The following SRI variants were observed in gnomAD, a reference collection of about 807,000 sequenced individuals.
SRI encodes the protein sorcin, also known as 22 kDa protein.
In SRI, 30 loss-of-function variants were observed where a neutral mutation model predicts 33.3. The ratio of observed to expected loss-of-function variants is 0.90; its 90% CI spans 0.67 to 1.22. The LOEUF is 1.22. Ranked by LOEUF, SRI falls within the 50% of genes most tolerant of loss-of-function variation. The pLI, the probability that SRI is intolerant of heterozygous loss-of-function variation, is 0.00. For missense variants in SRI, 243 were observed against 250.8 expected, an observed-to-expected ratio of 0.97 and a Z score of 0.21; for synonymous variants, 75 against 89.9, an observed-to-expected ratio of 0.83 and a Z score of 0.94.
At chr7:88,218,825 T>C in intron 2 of SRI, 34 bp downstream of exon 2, 1 of 1,600,332 alleles carries the variant, frequency 6.2e-7, no homozygotes, top group Non-Finnish European at 8.6e-7. Flanking sequence ...ATGCAGACAA[T>C]AACGGCTCTT....
At chr7:88,221,523 G>A (rs535113266), upstream of SRI, among the ~76,000 whole-genome samples, 3 of 152,278 alleles carry the variant, frequency 2.0e-5, no homozygotes, top group South Asian at 2.1e-4. Flanking sequence ...TGTCAGGGCC[G>A]AACTCGATGT....
At position 88,214,423 on chromosome 7, in the gene SRI, G is replaced by C. The variant is rs148403017; in HGVS notation, c.205+2699C>G. Reference sequence around the variant, plus strand: ...GGAGAGGGACAGATCAGGAAGATCAGGAATCTGGTCATCTTTTGTGAGAAG... The same window carrying C: ...GGAGAGGGACAGATCAGGAAGATCACGAATCTGGTCATCTTTTGTGAGAAG... On this transcript the variant is annotated intron_variant, in intron 3 of 7. Transcript: ENST00000265729. 5.1e-4 allele frequency among the ~76,000 whole-genome samples: 77 copies of C among 152,282 alleles called. No individual in the cohort carries two copies. In the East Asian group the frequency reaches 0.014, roughly 27 times the overall value.
intron 1 of SRI, chr7:88,226,882 A>AATATTATATAATATCTAATAATATG: frequency 6.2e-7 from 1 of 1,610,250 alleles, no homozygotes; most frequent in Non-Finnish European, 8.5e-7. Flanking sequence ...GGAATAGTCT[A>AATATTATATAATATCTAATAATATG]ATATTATATA....
intron 1 of SRI, among the ~76,000 whole-genome samples, chr7:88,226,399 C>T (rs891117422): frequency 2.0e-5 from 3 of 152,084 alleles, no homozygotes; most frequent in Admixed American, 2.0e-4. Context: ...ATCTTGATGT[C>T]GCAAAGTTTA....
intron 1 of SRI, 91 bp downstream of exon 1, chr7:88,219,885 G>A (rs1009600716): frequency 1.7e-5 from 25 of 1,462,270 alleles, no homozygotes; most frequent in Non-Finnish European, 2.3e-5. Flanking sequence ...CCGCCCAGCA[G>A]CGCCTCACCC....
At chr7:88,214,876 T>C (rs73397635) in intron 3 of SRI, 2 of 1,246,784 alleles carry the variant, frequency 1.6e-6, no homozygotes, top group East Asian at 1.1e-4. Flanking sequence ...TACAATATAA[T>C]GGACCTAGAA....
At chr7:88,209,938 C>T (rs751815175) in intron 5 of SRI, 45 bp downstream of exon 5, 3 of 1,613,442 alleles carry the variant, frequency 1.9e-6, no homozygotes, top group Non-Finnish European at 2.5e-6. Context: ...TAAAAATCAA[C>T]TTACTTCTAC....
At chr7:88,220,217 C>T (rs753029717), upstream of SRI, 6 of 1,312,464 alleles carry the variant, frequency 4.6e-6, no homozygotes, top group Non-Finnish European at 5.8e-6. Flanking sequence ...TTCTTCGTAT[C>T]TTTGCCATTA....
Position 88,219,540 on chromosome 7 carries a change from TTTTGTTTG to T in SRI, c.51+428_51+435del, listed in dbSNP as rs373452972. The T allele has an allele frequency of 7.2e-4, 125 of 174,718 alleles. 2 individuals carry two copies. The highest frequency in any genetic ancestry group is 2.4e-3 in the South Asian group (16 of 6,584). The allele number at this position is 174,718 out of a possible 1,614,324, so 10.8% of individuals were successfully genotyped here. The stretch of plus-strand genomic sequence containing the variant: ...TTTTCCGTCCCCCTTCTCACTCGTT[TTTTGTTTG>T]TTTGTTTGTTTGTTTGTTTGTTTGT... On this transcript the variant is annotated intron_variant, in intron 1 of 7. Transcript: ENST00000265729.
intron 2 of SRI, 92 bp downstream of exon 2, chr7:88,218,767 C>A: frequency 3.3e-6 from 4 of 1,225,088 alleles, no homozygotes; most frequent in Non-Finnish European, 4.8e-6. Context: ...GGACTCAGTA[C>A]CACAGGAAGT....
upstream of SRI, among the ~76,000 whole-genome samples, chr7:88,223,149 C>G (rs111301335): frequency 2.2e-4 from 33 of 152,166 alleles, no homozygotes; most frequent in African/African-American, 7.5e-4. Flanking sequence ...TCAATTCTTA[C>G]AATTATTGCT....
chr7:88,210,285 A>C, intron 4 of SRI, 155 bp from the exon 5 acceptor site: 1 of 932,818 alleles, frequency 1.1e-6, no homozygotes, highest in Admixed American at 2.1e-5. Context: ...AAAAATAGAA[A>C]GGGGCTATGG....
chr7:88,224,552 T>A (rs539436630), upstream of SRI, among the ~76,000 whole-genome samples: 36 of 152,318 alleles, frequency 2.4e-4, no homozygotes, highest in East Asian at 1.4e-3. Flanking sequence ...TAAGTGGAAA[T>A]GAGCATTTGA....
Position 88,206,095 on chromosome 7 carries a change from G to A in SRI, c.*383C>T. On this transcript the variant is annotated 3_prime_UTR_variant, in exon 8 of 8. Coordinates refer to ENST00000265729, the MANE Select transcript of SRI (RefSeq NM_003130.4). ...GTCATTTACCTAAGTTTTTATGTGTGGAGTATTCTTTGTAGGAGAGGAAAG... is the reference window on the plus strand; with the variant it reads ...GTCATTTACCTAAGTTTTTATGTGTAGAGTATTCTTTGTAGGAGAGGAAAG... 1 of 221,966 alleles carries A rather than the reference G, an allele frequency of 4.5e-6. No homozygotes were observed. Among genetic ancestry groups the A allele is most frequent in the Non-Finnish European group, 9.2e-6 (1 of 109,060 alleles). The allele number at this position is 221,966 out of a possible 1,614,324, so 13.7% of individuals were successfully genotyped here. A position where few individuals can be genotyped will look rare whatever the true frequency, so the allele number is the denominator to read the frequency against.
upstream of SRI, among the ~76,000 whole-genome samples, chr7:88,220,827 A>G (rs967590326): frequency 6.6e-6 from 1 of 152,218 alleles, no homozygotes; most frequent in Admixed American, 6.5e-5. Context: ...TACTTTTTAT[A>G]TAAGAAAAGT....
intron 5 of SRI, 39 bp from the exon 6 acceptor site, chr7:88,209,491 G>T: frequency 6.8e-7 from 1 of 1,461,334 alleles, no homozygotes; most frequent in Non-Finnish European, 9.6e-7. Context: ...TTAAAGGATT[G>T]CAGAAGCTCA....
Position 88,206,470 on chromosome 7 carries a change from C to T in SRI, c.*8G>A, listed in dbSNP as rs1434196629. 2.5e-6 allele frequency: 4 copies of T among 1,613,756 alleles called. No homozygotes were observed. Among genetic ancestry groups the T allele is most frequent in the East Asian group, 2.2e-5 (1 of 44,832 alleles). Reference sequence around the variant, plus strand: ...ATGTTGATTACATTCATGCAGCTTCCTCTTGATTTAAACACTCATGACACA... The same window carrying T: ...ATGTTGATTACATTCATGCAGCTTCTTCTTGATTTAAACACTCATGACACA... On this transcript the variant is annotated 3_prime_UTR_variant, in exon 8 of 8. Coordinates refer to ENST00000265729, the MANE Select transcript of SRI (RefSeq NM_003130.4).
upstream of SRI, among the ~76,000 whole-genome samples, chr7:88,223,387 A>T (rs192928173): frequency 6.6e-6 from 1 of 152,332 alleles, no homozygotes. Context: ...CTGCCAAGCC[A>T]TCTGACTCTA....
chr7:88,220,111 C>A (rs1851853205), upstream of SRI: 1 of 1,387,584 alleles, frequency 7.2e-7, no homozygotes, highest in South Asian at 1.6e-5. Flanking sequence ...GCTAGGGGGC[C>A]GCCCCAGAGC....
Sources: allele counts gnomAD v4.1 joint callset (sites outside exome capture counted in the v4.1 genomes callset), GRCh38; gene constraint gnomAD v4.1.1; transcripts MANE v1.5; gene names NCBI Gene and HGNC (gene_info 2026-07-23, HGNC 2026-07-21).